RGS17: variants seen among roughly 807,000 people sequenced by gnomAD.
RGS17 encodes regulator of G-protein signaling 17.
A neutral mutation model predicts 25.5 loss-of-function variants in RGS17; 12 were observed. The ratio of observed to expected loss-of-function variants is 0.47; its 90% CI spans 0.30 to 0.76. The LOEUF is 0.76. RGS17 is among the 30% of genes least tolerant of loss of function. The pLI is 0.07. For synonymous variants in RGS17, 71 were observed against 76.9 expected, an observed-to-expected ratio of 0.92 and a Z score of 0.40; for missense variants, 196 against 242.2, an observed-to-expected ratio of 0.81 and a Z score of 1.27.
chr6:153,012,804 G>A (rs1215073361), intron 4 of RGS17, among the ~76,000 whole-genome samples: 1 of 152,174 alleles, frequency 6.6e-6, no homozygotes, highest in African/African-American at 2.4e-5. Flanking sequence ...TAAGCATTCT[G>A]CAAATGCCTT....
Position 153,087,745 on chromosome 6 carries a change from T to C in RGS17, c.-26+43379A>G, listed in dbSNP as rs538432665. 9.8e-5 allele frequency among the ~76,000 whole-genome samples: 15 copies of C among 152,326 alleles called. No homozygotes were observed. The South Asian group carries it at 1.4e-3, about 15-fold the overall frequency. ...TTCAGTCTGCAGTGAAGAGAGAGGA[T>C]ACTTAATGAGCTCTAATTAAGAAAC... On this transcript the variant is annotated intron_variant, in intron 1 of 4. Transcript: ENST00000206262.
intron 2 of RGS17, among the ~76,000 whole-genome samples, chr6:153,043,100 G>A (rs1362690150): frequency 6.6e-6 from 1 of 152,162 alleles, no homozygotes; most frequent in Non-Finnish European, 1.5e-5. Context: ...TCCGGAACTC[G>A]AGCAGGTTCT....
chr6:153,054,057 A>AT (rs1562321571), intron 1 of RGS17, among the ~76,000 whole-genome samples: 16 of 65,874 alleles, frequency 2.4e-4, no homozygotes, highest in Non-Finnish European at 3.5e-4. Context: ...ATATGTATAT[A>AT]ATATATATAC....
In RGS17 at chr6:153,061,626, T is replaced by A. The variant is rs539795613; in HGVS notation, c.-25-17583A>T. ...TTTAAGATACTTATACAAACAGGGA[T>A]AACAGCTGTGGAAATTCAATACAAG... On this transcript the variant is annotated intron_variant, in intron 1 of 4. Coordinates refer to ENST00000206262, the MANE Select transcript of RGS17 (RefSeq NM_012419.5). Among the ~76,000 whole-genome samples, 19 of 152,290 alleles carry A rather than the reference T, an allele frequency of 1.2e-4. No homozygotes were observed. The South Asian group carries it at 3.9e-3, about 32-fold the overall frequency.
intron 1 of RGS17, among the ~76,000 whole-genome samples, chr6:153,114,860 C>A (rs1335283409): frequency 6.6e-6 from 1 of 152,094 alleles, no homozygotes; most frequent in Non-Finnish European, 1.5e-5. Context: ...GCAGAAAAGG[C>A]CTTCAATAAA....
At chr6:153,023,340 C>G in intron 4 of RGS17, 1 of 503,522 alleles carries the variant, frequency 2.0e-6, no homozygotes, top group South Asian at 1.4e-5. Context: ...TTAGGAGAAA[C>G]AAAAAAGACA....
intron 1 of RGS17, among the ~76,000 whole-genome samples, chr6:153,120,344 T>C (rs1777608055): frequency 6.6e-6 from 1 of 152,242 alleles, no homozygotes; most frequent in African/African-American, 2.4e-5. Context: ...CCATGTCTTA[T>C]GACATCCTTA....
chr6:153,066,912 C>T (rs1326383766), intron 1 of RGS17, among the ~76,000 whole-genome samples: 1 of 151,868 alleles, frequency 6.6e-6, no homozygotes, highest in African/African-American at 2.4e-5. Context: ...TGGTGGTGGG[C>T]ACCTGTAGTC....
chr6:153,120,520 T>C (rs2129126794), intron 1 of RGS17, among the ~76,000 whole-genome samples: 1 of 152,302 alleles, frequency 6.6e-6, no homozygotes, highest in Non-Finnish European at 1.5e-5. Context: ...TTTAGGCCTC[T>C]TCTCTCACCT....
At chr6:153,107,929 TC>T (rs1361060635) in intron 1 of RGS17, among the ~76,000 whole-genome samples, 2 of 152,290 alleles carry the variant, frequency 1.3e-5, no homozygotes, top group East Asian at 1.9e-4. Context: ...AACAAAGCCA[TC>T]CGTTATTGTG....
chr6:153,086,510 C>T (rs1393284387), intron 1 of RGS17, among the ~76,000 whole-genome samples: 1 of 152,182 alleles, frequency 6.6e-6, no homozygotes, highest in Non-Finnish European at 1.5e-5. Flanking sequence ...TTGAAGGAAA[C>T]GCTAAGTCCT....
At chr6:153,020,109 A>ATATATATATAT (rs1371960019) in intron 4 of RGS17, among the ~76,000 whole-genome samples, 5 of 60,866 alleles carry the variant, frequency 8.2e-5, no homozygotes, top group East Asian at 6.0e-4. Context: ...TTAAAAAAAA[A>ATATATATATAT]AAATATATAT....
chr6:153,108,102 A>T (rs1383563758), intron 1 of RGS17, among the ~76,000 whole-genome samples: 1 of 152,070 alleles, frequency 6.6e-6, no homozygotes, highest in Non-Finnish European at 1.5e-5. Flanking sequence ...GTCCCCCAAA[A>T]AGTGCCACCT....
chr6:153,066,197 TA>T (rs1302024333), intron 1 of RGS17, among the ~76,000 whole-genome samples: 1 of 152,144 alleles, frequency 6.6e-6, no homozygotes, highest in Non-Finnish European at 1.5e-5. Context: ...GACAAATTCT[TA>T]GACACATACA....
At chr6:153,118,997 AATATATGCATGTATACATGT>A (rs1286676243) in intron 1 of RGS17, among the ~76,000 whole-genome samples, 1 of 152,158 alleles carries the variant, frequency 6.6e-6, no homozygotes, top group Non-Finnish European at 1.5e-5. Context: ...TACATATATG[AATATATGCATGTATACATGT>A]ATGTATGCAT....
At chr6:153,031,332 G>A (rs1779361383) in intron 2 of RGS17, among the ~76,000 whole-genome samples, 1 of 152,210 alleles carries the variant, frequency 6.6e-6, no homozygotes, top group Non-Finnish European at 1.5e-5. Context: ...ATGCTTAGTT[G>A]AATGGAAGGG....
At position 153,088,250 on chromosome 6, in the gene RGS17, C is replaced by T. The variant is rs531793201; in HGVS notation, c.-26+42874G>A. On this transcript the variant is annotated intron_variant, in intron 1 of 4. Coordinates refer to ENST00000206262, the MANE Select transcript of RGS17 (RefSeq NM_012419.5). ...TTTGTGAGATGTTCTAAGCCAGAAG[C>T]ACTCAGGTAAACTGTGCCTCAATTC... is the stretch of plus-strand genomic sequence containing the variant. Among the ~76,000 whole-genome samples the T allele has an allele frequency of 1.3e-4, 20 of 152,300 alleles. 1 individual carries two copies. The South Asian group carries it at 3.9e-3, about 30-fold the overall frequency.
At chr6:153,012,872 CT>C (rs753161863) in intron 4 of RGS17, among the ~76,000 whole-genome samples, 1 of 152,180 alleles carries the variant, frequency 6.6e-6, no homozygotes, top group Non-Finnish European at 1.5e-5. Context: ...CTAATACAGT[CT>C]CTTATTGAAG....
At chr6:153,040,222 G>A (rs956102484) in intron 2 of RGS17, among the ~76,000 whole-genome samples, 1 of 152,142 alleles carries the variant, frequency 6.6e-6, no homozygotes, top group Non-Finnish European at 1.5e-5. Flanking sequence ...ATAGAGAATG[G>A]ACCAGCTTAA....
Sources: gnomAD v4.1 joint callset for allele counts (sites outside exome capture counted in the v4.1 genomes callset) on GRCh38, gnomAD v4.1.1 for gene constraint, MANE v1.5 for transcripts, NCBI Gene and HGNC (gene_info 2026-07-23, HGNC 2026-07-21) for gene names.